The following CHP1 variants were observed in gnomAD, a reference collection of about 807,000 sequenced individuals.
CHP1 encodes the protein calcineurin like EF-hand protein 1.
In CHP1, 11 loss-of-function variants were observed where a neutral mutation model predicts 27.4. The ratio of observed to expected loss-of-function variants is 0.40; its 90% CI spans 0.25 to 0.67. CHP1 has a LOEUF of 0.67. Among genes scored for constraint, CHP1 ranks in the 30% least tolerant of loss-of-function variants. CHP1 has a pLI of 0.38. For synonymous variants in CHP1, 89 were observed against 87.4 expected, an observed-to-expected ratio of 1.02 and a Z score of -0.10; for missense variants, 169 against 251.3, an observed-to-expected ratio of 0.67 and a Z score of 2.22.
chr15:41,235,412 G>C (rs547125594), intron 1 of CHP1, among the ~76,000 whole-genome samples: 2 of 152,282 alleles, frequency 1.3e-5, no homozygotes, highest in Non-Finnish European at 1.5e-5. Flanking sequence ...TGCAGTCCCA[G>C]CTACTCAGGA....
chr15:41,242,786 A>G (rs982578129), intron 1 of CHP1, among the ~76,000 whole-genome samples: 76 of 151,212 alleles, frequency 5.0e-4, no homozygotes, highest in African/African-American at 1.6e-3. Context: ...TCTACTAAAA[A>G]TACAAAATTA....
chr15:41,257,465 A>C (rs1316410669), intron 3 of CHP1, among the ~76,000 whole-genome samples: 1 of 151,782 alleles, frequency 6.6e-6, no homozygotes, highest in Non-Finnish European at 1.5e-5. Context: ...AAAAAGTAAA[A>C]ATAAGTTAAC....
chr15:41,264,294 G>C, intron 4 of CHP1: 1 of 977,324 alleles, frequency 1.0e-6, no homozygotes, highest in Non-Finnish European at 1.4e-6. Context: ...CGAGTGCCGA[G>C]GAGATTAGGC....
In CHP1 at chr15:41,276,093, T is replaced by C. The variant is rs141708659; in HGVS notation, c.412-2674T>C. Among the ~76,000 whole-genome samples, 662 of 151,862 alleles carry C rather than the reference T, an allele frequency of 4.4e-3. 6 individuals carry two copies. The highest frequency in any genetic ancestry group is 5.0e-3 in the Non-Finnish European group (339 of 67,944). ...CCGTCTCTACTAAAAATACAAAAAT[T>C]AGCCAGGCATGCTGTTGGGCACCTG... On this transcript the variant is annotated intron_variant, in intron 5 of 6. Coordinates refer to ENST00000334660, the MANE Select transcript of CHP1 (RefSeq NM_007236.5).
intron 4 of CHP1, among the ~76,000 whole-genome samples, chr15:41,264,009 A>G (rs905201888): frequency 3.9e-5 from 6 of 152,190 alleles, no homozygotes; most frequent in Admixed American, 3.9e-4. Context: ...TACAAGTCAG[A>G]TTAGGCCGGC....
intron 4 of CHP1, among the ~76,000 whole-genome samples, chr15:41,267,076 G>T (rs566069303): frequency 3.4e-4 from 51 of 152,182 alleles, no homozygotes; most frequent in African/African-American, 1.2e-3. Flanking sequence ...GAAATAAAGT[G>T]GATATAAAGG....
intron 2 of CHP1, among the ~76,000 whole-genome samples, chr15:41,250,134 G>T: frequency 1.3e-5 from 2 of 149,448 alleles, no homozygotes; most frequent in African/African-American, 2.5e-5. Context: ...TAAAATTTGT[G>T]AAAACCTTGG....
At chr15:41,268,490 C>A (rs1414907579) in intron 4 of CHP1, among the ~76,000 whole-genome samples, 2 of 151,638 alleles carry the variant, frequency 1.3e-5, no homozygotes, top group Non-Finnish European at 2.9e-5. Context: ...ACTAAAAATA[C>A]AAAAATTAGC....
At chr15:41,261,667 G>C (rs1035106167) in intron 3 of CHP1, among the ~76,000 whole-genome samples, 21 of 151,600 alleles carry the variant, frequency 1.4e-4, no homozygotes, top group South Asian at 4.2e-4. Flanking sequence ...GACGATCCTA[G>C]CTAACACGGT....
intron 3 of CHP1, among the ~76,000 whole-genome samples, chr15:41,260,463 C>T (rs2047427250): frequency 6.7e-6 from 1 of 148,894 alleles, no homozygotes; most frequent in Middle Eastern, 3.3e-3. Flanking sequence ...GGTGCAGTCT[C>T]GACTCATTGC....
chr15:41,243,605 G>C (rs369144676), intron 1 of CHP1, 62 bp from the exon 2 acceptor site: 1 of 1,328,212 alleles, frequency 7.5e-7, no homozygotes, highest in Non-Finnish European at 1.1e-6. Flanking sequence ...GACAGCGAGG[G>C]GTGGGTTCAG....
intron 5 of CHP1, among the ~76,000 whole-genome samples, chr15:41,271,953 C>T (rs1487840922): frequency 6.6e-6 from 1 of 152,194 alleles, no homozygotes; most frequent in Non-Finnish European, 1.5e-5. Context: ...TGGCCCAGAT[C>T]TGACCTCAGG....
chr15:41,267,887 T>C (rs1187400835), intron 4 of CHP1, among the ~76,000 whole-genome samples: 1 of 145,544 alleles, frequency 6.9e-6, no homozygotes, highest in Non-Finnish European at 1.5e-5. Context: ...TGAGCCATGA[T>C]TGCACCACTG....
At chr15:41,266,054 T>G (rs1459227238) in intron 4 of CHP1, among the ~76,000 whole-genome samples, 3 of 151,872 alleles carry the variant, frequency 2.0e-5, no homozygotes, top group Non-Finnish European at 4.4e-5. Flanking sequence ...GAGGCCGAGG[T>G]GGGTGGATCA....
In CHP1 at chr15:41,231,442, G is replaced by C. The variant is rs762233444; in HGVS notation, c.60G>C (p.Glu20Asp). ...AAGAGCTCGAGGAGATCAAGAAGGA[G>C]ACCGGCTGTGAGTTCGGGTTGGGGG... ...RDEELEEIKK[E>D]TGFSHSQITR... Residue 20 changes from glutamate (E) to aspartate (D), a missense_variant, in exon 1 of 7, where the codon GAG becomes GAC. Physicochemically the swap from Glu to Asp is conservative, Grantham distance 45. Coordinates refer to ENST00000334660, the MANE Select transcript of CHP1 (RefSeq NM_007236.5). 14 of 1,601,618 alleles carry C rather than the reference G, an allele frequency of 8.7e-6. No individual in the cohort carries two copies. The highest frequency in any genetic ancestry group is 1.1e-5 in the Non-Finnish European group (13 of 1,175,474).
chr15:41,263,660 A>G (rs1470149156), intron 4 of CHP1, among the ~76,000 whole-genome samples: 2 of 152,194 alleles, frequency 1.3e-5, no homozygotes, highest in Non-Finnish European at 2.9e-5. Flanking sequence ...AGATCACTTG[A>G]GCCCAGGAGT....
intron 5 of CHP1, among the ~76,000 whole-genome samples, chr15:41,274,401 T>G (rs545421226): frequency 6.6e-6 from 1 of 152,190 alleles, no homozygotes; most frequent in African/African-American, 2.4e-5. Context: ...TTCATGTCCT[T>G]ATTAACAGAT....
intron 1 of CHP1, among the ~76,000 whole-genome samples, chr15:41,236,896 C>T (rs1225298406): frequency 6.7e-6 from 1 of 150,238 alleles, no homozygotes; most frequent in African/African-American, 2.5e-5. Flanking sequence ...GTGACTCGAT[C>T]TCAGCTCACT....
chr15:41,236,389 G>A (rs1424283244), intron 1 of CHP1, among the ~76,000 whole-genome samples: 4 of 152,108 alleles, frequency 2.6e-5, no homozygotes, highest in African/African-American at 4.8e-5. Context: ...AGCCTCCTGA[G>A]TAGCTGGGAC....
Sources: gnomAD v4.1 joint callset for allele counts (sites outside exome capture counted in the v4.1 genomes callset) on GRCh38, gnomAD v4.1.1 for gene constraint, MANE v1.5 for transcripts, NCBI Gene and HGNC (gene_info 2026-07-23, HGNC 2026-07-21) for gene names.